The following CDK8 variants were observed in gnomAD, a reference collection of about 807,000 sequenced individuals.
The protein encoded by CDK8 is cyclin dependent kinase 8, also known as cyclin-dependent kinase 8.
A neutral mutation model predicts 71.5 loss-of-function variants in CDK8; 29 were observed. The ratio of observed to expected loss-of-function variants is 0.41; its 90% CI spans 0.30 to 0.55. The LOEUF is 0.55. CDK8 is among the 20% of genes least tolerant of loss of function. The probability of loss-of-function intolerance (pLI) is 0.37; values close to 1 mark genes in which losing one functional copy is unlikely to be tolerated. For synonymous variants in CDK8, 161 were observed against 192.1 expected, an observed-to-expected ratio of 0.84 and a Z score of 1.34; for missense variants, 288 against 572.6, an observed-to-expected ratio of 0.50 and a Z score of 5.07.
intron 1 of CDK8, among the ~76,000 whole-genome samples, chr13:26,299,652 G>A (rs963433276): frequency 6.6e-6 from 1 of 152,116 alleles, no homozygotes; most frequent in African/African-American, 2.4e-5. Flanking sequence ...GTTTCATTCC[G>A]GGTGTGAGTT....
intron 2 of CDK8, among the ~76,000 whole-genome samples, chr13:26,341,146 T>C (rs1479102323): frequency 6.6e-6 from 1 of 152,114 alleles, no homozygotes; most frequent in East Asian, 1.9e-4. Flanking sequence ...TTCTTTTTTG[T>C]GACAGAGTCT....
intron 4 of CDK8, among the ~76,000 whole-genome samples, chr13:26,357,538 C>T (rs568906231): frequency 9.8e-5 from 15 of 152,330 alleles, no homozygotes; most frequent in Admixed American, 8.5e-4. Flanking sequence ...TTCTCTTTCT[C>T]TCCTTGGGAA....
chr13:26,382,763 A>C, intron 4 of CDK8, 51 bp from the exon 5 acceptor site: 1 of 1,138,774 alleles, frequency 8.8e-7, no homozygotes, highest in Non-Finnish European at 1.3e-6. Context: ...TTGTCTATTT[A>C]AAAGAAACCA....
At chr13:26,376,759 G>T (rs1874970834) in intron 4 of CDK8, among the ~76,000 whole-genome samples, 1 of 151,904 alleles carries the variant, frequency 6.6e-6, no homozygotes, top group Non-Finnish European at 1.5e-5. Context: ...TAAGAATTTT[G>T]TAATTTAAAA....
intron 1 of CDK8, among the ~76,000 whole-genome samples, chr13:26,263,308 T>C (rs1251402301): frequency 6.6e-6 from 1 of 151,578 alleles, no homozygotes; most frequent in Admixed American, 6.6e-5. Flanking sequence ...GCTAGTTTTT[T>C]ATATTTTTAG....
At position 26,404,035 on chromosome 13, in the gene CDK8, C is replaced by T. The variant is rs1876392888; in HGVS notation, c.1349C>T (p.Thr450Ile). The T allele has an allele frequency of 3.1e-6, 5 of 1,613,946 alleles. No homozygotes were observed. Among genetic ancestry groups the T allele is most frequent in the Non-Finnish European group, 4.2e-6 (5 of 1,180,008 alleles). The change falls in exon 13 of 13, where the codon ACC becomes ATC. Residue 450 changes from threonine to isoleucine, a missense_variant. Physicochemically the swap from Thr to Ile is moderately conservative, Grantham distance 89. Around this residue, in one of 6 missense-constraint regions of CDK8, gnomAD observed 76 missense variants for 99.7 expected, o/e 0.76. Transcript: ENST00000381527. ...QPQSSMGYSA[T>I]SQQPPQYSHQ... Reference sequence around the variant, plus strand: ...CAGAGCAGCATGGGATACTCAGCTACCTCCCAGCAGCCTCCACAGTACTCA... The same window carrying T: ...CAGAGCAGCATGGGATACTCAGCTATCTCCCAGCAGCCTCCACAGTACTCA...
intron 1 of CDK8, among the ~76,000 whole-genome samples, chr13:26,318,434 T>G (rs1874612650): frequency 6.6e-6 from 1 of 152,170 alleles, no homozygotes; most frequent in Middle Eastern, 3.2e-3. Context: ...TAACTCATTC[T>G]GTATGAGGCC....
At chr13:26,294,132 CTT>C (rs35555772) in intron 1 of CDK8, among the ~76,000 whole-genome samples, 38 of 147,094 alleles carry the variant, frequency 2.6e-4, no homozygotes, top group Admixed American at 5.4e-4. Context: ...TATTCTGCAC[CTT>C]TTTTTTTTTT....
chr13:26,351,360 C>A (rs991451079), intron 3 of CDK8, among the ~76,000 whole-genome samples: 12 of 151,318 alleles, frequency 7.9e-5, no homozygotes, highest in African/African-American at 2.7e-4. Context: ...TTTTTTAAAT[C>A]TTTGGTTCTT....
rs192123202 is a variant in CDK8, at chr13:26,316,031, T to C, written c.129-21536T>C. On this transcript the variant is annotated intron_variant, in intron 1 of 12. Coordinates refer to ENST00000381527, the MANE Select transcript of CDK8 (RefSeq NM_001260.3). ...TTAGTTCCTCCAGATATTGGGAATCTGTGCTCTGATCACTGATTGTTACTT... is the reference window on the plus strand; with the variant it reads ...TTAGTTCCTCCAGATATTGGGAATCCGTGCTCTGATCACTGATTGTTACTT... Among the ~76,000 whole-genome samples, 174 of 152,342 alleles carry C rather than the reference T, an allele frequency of 1.1e-3. 1 individual carries two copies. The East Asian group carries it at 0.024, about 21-fold the overall frequency.
chr13:26,373,957 G>A (rs1262425639), intron 4 of CDK8, among the ~76,000 whole-genome samples: 3 of 144,656 alleles, frequency 2.1e-5, no homozygotes, highest in Non-Finnish European at 4.5e-5. Context: ...CGAGGTGAGT[G>A]AATCACGAGG....
chr13:26,262,657 A>C (rs1174174967), intron 1 of CDK8, among the ~76,000 whole-genome samples: 1 of 152,232 alleles, frequency 6.6e-6, no homozygotes. Flanking sequence ...CACTAGAAAT[A>C]ATATTTTTTT....
At position 26,368,075 on chromosome 13, in the gene CDK8, T is replaced by C. The variant is rs941727722; in HGVS notation, c.456+14195T>C. 6.6e-5 allele frequency among the ~76,000 whole-genome samples: 10 copies of C among 152,220 alleles called. No individual in the cohort carries two copies. The East Asian group carries it at 7.7e-4, about 12-fold the overall frequency. ...TGGATTTGGATTGCCCAGATGGTCA[T>C]TGGGATTGCTAGTTGTAGAGGTTCA... On this transcript the variant is annotated intron_variant, in intron 4 of 12. Coordinates refer to ENST00000381527, the MANE Select transcript of CDK8 (RefSeq NM_001260.3).
chr13:26,355,922 TA>T (rs1297065826), intron 4 of CDK8, among the ~76,000 whole-genome samples: 5 of 152,212 alleles, frequency 3.3e-5, no homozygotes, highest in African/African-American at 1.2e-4. Flanking sequence ...TTAAAACCAA[TA>T]TTTAAATTTC....
chr13:26,287,979 T>A (rs1413218656), intron 1 of CDK8, among the ~76,000 whole-genome samples: 1 of 152,100 alleles, frequency 6.6e-6, no homozygotes, highest in Non-Finnish European at 1.5e-5. Context: ...ATTTTATTTT[T>A]TTAGATGGAG....
chr13:26,362,993 G>GT (rs59265120), intron 4 of CDK8, among the ~76,000 whole-genome samples: 47 of 143,192 alleles, frequency 3.3e-4, no homozygotes, highest in African/African-American at 5.4e-4. Flanking sequence ...TTTCATTGTA[G>GT]TTTTTTTTTT....
At chr13:26,283,790 C>T (rs546255943) in intron 1 of CDK8, among the ~76,000 whole-genome samples, 12 of 151,204 alleles carry the variant, frequency 7.9e-5, no homozygotes, top group South Asian at 2.1e-4. Flanking sequence ...CCCAGCTACT[C>T]GGGAGGCTGA....
intron 6 of CDK8, among the ~76,000 whole-genome samples, chr13:26,385,813 A>G (rs1875449762): frequency 6.6e-6 from 1 of 152,328 alleles, no homozygotes; most frequent in African/African-American, 2.4e-5. Flanking sequence ...TACTATCAGT[A>G]GCAATAGGGG....
rs2138063224 is a variant in CDK8 at position 26,393,406 on chromosome 13, C to T, written c.686C>T (p.Thr229Met). 2 of 1,609,966 alleles carry T rather than the reference C, an allele frequency of 1.2e-6. No homozygotes were observed. The highest frequency in any genetic ancestry group is 1.7e-6 in the Non-Finnish European group (2 of 1,177,420). The change falls in exon 7 of 13, where the codon ACG (threonine) becomes ATG (methionine). Residue 229 changes from threonine (T) to methionine (M), a missense_variant. Around this residue, in one of 6 missense-constraint regions of CDK8, gnomAD observed 96 missense variants for 229.8 expected, o/e 0.42. Coordinates refer to ENST00000381527, the MANE Select transcript of CDK8 (RefSeq NM_001260.3). ...AIGCIFAELL[T>M]SEPIFHCRQE... ...GGGTGTATATTTGCAGAACTACTAACGTCAGAACCAATATTTCACTGTCGA... is the reference window on the plus strand; with the variant it reads ...GGGTGTATATTTGCAGAACTACTAATGTCAGAACCAATATTTCACTGTCGA...
Sources: gnomAD v4.1 joint callset for allele counts (sites outside exome capture counted in the v4.1 genomes callset) on GRCh38, gnomAD v4.1.1 for gene constraint, gnomAD v4.1.1 regional missense constraint, MANE v1.5 for transcripts, NCBI Gene and HGNC (gene_info 2026-07-23, HGNC 2026-07-21) for gene names.